The following STOM variants were observed in gnomAD, a reference collection of about 807,000 sequenced individuals.
STOM encodes stomatin.
Under a neutral mutation model 30.6 loss-of-function variants are expected in STOM, and 25 were observed. The ratio of observed to expected loss-of-function variants is 0.82; its 90% CI spans 0.60 to 1.14. The LOEUF (loss-of-function observed/expected upper bound fraction) is 1.14, where lower values mean the gene tolerates loss of function less well. STOM is among the 50% of genes most tolerant of loss of function. The probability of loss-of-function intolerance (pLI) is 0.00; values close to 1 mark genes in which losing one functional copy is unlikely to be tolerated. For synonymous variants in STOM, 118 were observed against 130.8 expected (o/e 0.90, Z 0.67); for missense variants, 292 against 365.2 (o/e 0.80, Z 1.63).
At chr9:121,346,674 G>A (rs1288446785) in intron 6 of STOM, among the ~76,000 whole-genome samples, 2 of 152,176 alleles carry the variant, frequency 1.3e-5, no homozygotes, top group African/African-American at 4.8e-5. Flanking sequence ...TAACAGTTTT[G>A]AAAGAAAGCA....
chr9:121,352,235 C>A (rs2064345901), intron 4 of STOM, among the ~76,000 whole-genome samples: 1 of 152,160 alleles, frequency 6.6e-6, no homozygotes, highest in Non-Finnish European at 1.5e-5. Context: ...ACTTATAATA[C>A]TTAACACAAT....
chr9:121,355,904 A>T (rs762099722), intron 2 of STOM, 149 bp downstream of exon 2: 7 of 569,384 alleles, frequency 1.2e-5, no homozygotes, highest in Non-Finnish European at 2.1e-5. Flanking sequence ...TGGGTAGAAG[A>T]ATAAATTTTC....
chr9:121,362,340 A>G (rs1261515450), intron 1 of STOM, among the ~76,000 whole-genome samples: 1 of 152,190 alleles, frequency 6.6e-6, no homozygotes, highest in Non-Finnish European at 1.5e-5. Flanking sequence ...TTCAATAATG[A>G]AAGAATGGTA....
In STOM at chr9:121,355,964, T is replaced by C. The variant is rs1048742565; in HGVS notation, c.165+89A>G. On this transcript the variant is annotated intron_variant, in intron 2 of 6. Transcript: ENST00000286713. The stretch of plus-strand genomic sequence containing the variant: ...TTATAAGAGAGAGAGACAGTCTGTT[T>C]CTTTCTCACATACACACAGGCACAC... 5.9e-6 allele frequency: 5 copies of C among 851,000 alleles called. No individual in the cohort carries two copies. In the African/African-American group the frequency reaches 8.6e-5, roughly 15 times the overall value. The allele number at this position is 851,000 out of a possible 1,614,324, so 52.7% of individuals were successfully genotyped here. A position where few individuals can be genotyped will look rare whatever the true frequency, so the allele number is the denominator to read the frequency against.
intron 4 of STOM, 105 bp from the exon 5 acceptor site, chr9:121,349,428 T>C: frequency 1.1e-6 from 1 of 896,876 alleles, no homozygotes; most frequent in Non-Finnish European, 1.7e-6. Flanking sequence ...GCTGATTTTC[T>C]TTAGTAAGGC....
intron 1 of STOM, among the ~76,000 whole-genome samples, chr9:121,357,027 G>A (rs2064398183): frequency 6.6e-6 from 1 of 152,104 alleles, no homozygotes; most frequent in Non-Finnish European, 1.5e-5. Context: ...AAAGGCATTA[G>A]AGCATTTTAG....
intron 1 of STOM, among the ~76,000 whole-genome samples, chr9:121,367,955 G>A (rs1219455420): frequency 6.6e-6 from 1 of 152,180 alleles, no homozygotes; most frequent in African/African-American, 2.4e-5. Flanking sequence ...TTTGCCATGT[G>A]AGCCGCAGTA....
intron 6 of STOM, among the ~76,000 whole-genome samples, chr9:121,345,824 G>C (rs189980925): frequency 1.6e-4 from 24 of 152,306 alleles, no homozygotes; most frequent in Admixed American, 1.4e-3. Context: ...GTCAGTACTA[G>C]AGGAGGCAAT....
At chr9:121,360,164 T>C (rs1196119250) in intron 1 of STOM, among the ~76,000 whole-genome samples, 1 of 152,230 alleles carries the variant, frequency 6.6e-6, no homozygotes, top group African/African-American at 2.4e-5. Context: ...CATAGTAGAA[T>C]AGATATAAAA....
At chr9:121,349,571 T>C (rs1417797375) in intron 4 of STOM, among the ~76,000 whole-genome samples, 2 of 152,104 alleles carry the variant, frequency 1.3e-5, no homozygotes, top group East Asian at 1.9e-4. Flanking sequence ...GGGATTAAGG[T>C]AGGAAAAAAA....
chr9:121,339,466 C>T lies in STOM; in HGVS notation c.*1736G>A. On this transcript the variant is annotated 3_prime_UTR_variant, in exon 7 of 7. Coordinates refer to ENST00000286713, the MANE Select transcript of STOM (RefSeq NM_004099.6). The stretch of plus-strand genomic sequence containing the variant: ...ATAAACTCAGCTAGGAGCCAGGATA[C>T]ATGGTAGTTCAAGGCTTCCTAAAAT... The T allele has an allele frequency of 9.0e-7, 1 of 1,107,672 alleles. No individual in the cohort carries two copies. The highest frequency in any genetic ancestry group is 4.3e-5 in the Admixed American group (1 of 23,250). The allele number at this position is 1,107,672 out of a possible 1,614,324, so 68.6% of individuals were successfully genotyped here.
intron 1 of STOM, among the ~76,000 whole-genome samples, chr9:121,358,590 C>A (rs933728556): frequency 6.6e-6 from 1 of 152,194 alleles, no homozygotes; most frequent in Non-Finnish European, 1.5e-5. Flanking sequence ...CCACCACATA[C>A]TTATACCCAG....
At position 121,348,152 on chromosome 9, in the gene STOM, G is replaced by A. The variant is rs2064306114; in HGVS notation, c.526-3C>T. On this transcript the variant is annotated splice_polypyrimidine_tract_variant and splice_region_variant and intron_variant, in intron 5 of 6. Coordinates refer to ENST00000286713, the MANE Select transcript of STOM (RefSeq NM_004099.6). ...TCAGTGGCATCATCCAGAGTAGACT[G>A]TTAGGAAGAGAGAAGGCAAGCTAAA... 1.2e-6 allele frequency: 2 copies of A among 1,614,004 alleles called. No homozygotes were observed. The highest frequency in any genetic ancestry group is 1.7e-5 in the Admixed American group (1 of 59,982).
At chr9:121,361,839 G>A (rs2064456175) in intron 1 of STOM, among the ~76,000 whole-genome samples, 1 of 152,170 alleles carries the variant, frequency 6.6e-6, no homozygotes, top group Non-Finnish European at 1.5e-5. Flanking sequence ...TTTTTCCACA[G>A]GAAAGGGTTG....
At chr9:121,344,901 G>C (rs1470396519) in intron 6 of STOM, among the ~76,000 whole-genome samples, 2 of 152,202 alleles carry the variant, frequency 1.3e-5, no homozygotes, top group Non-Finnish European at 2.9e-5. Context: ...AGGCCACTAA[G>C]AGCTGGTCTA....
intron 1 of STOM, among the ~76,000 whole-genome samples, chr9:121,365,080 T>C (rs2064489837): frequency 6.6e-6 from 1 of 152,018 alleles, no homozygotes; most frequent in South Asian, 2.1e-4. Context: ...TAACAGGTAC[T>C]CAAAAAACAT....
At chr9:121,354,459 G>A (rs2064366694) in intron 3 of STOM, 142 bp downstream of exon 3, 1 of 585,842 alleles carries the variant, frequency 1.7e-6, no homozygotes, top group Non-Finnish European at 2.9e-6. Flanking sequence ...GTTCAAGGCT[G>A]CAGTGAGACA....
intron 4 of STOM, among the ~76,000 whole-genome samples, chr9:121,350,113 T>C (rs1340832922): frequency 6.6e-6 from 1 of 152,208 alleles, no homozygotes; most frequent in Admixed American, 6.5e-5. Flanking sequence ...GTAACTTTAC[T>C]GAATAAAACA....
At chr9:121,347,905 C>T in intron 6 of STOM, 110 bp downstream of exon 6, 1 of 1,342,728 alleles carries the variant, frequency 7.4e-7, no homozygotes, top group Non-Finnish European at 9.9e-7. Flanking sequence ...TCTAACTTTA[C>T]CACTTCAAGA....
Sources: allele counts gnomAD v4.1 joint callset (sites outside exome capture counted in the v4.1 genomes callset), GRCh38; gene constraint gnomAD v4.1.1; transcripts MANE v1.5; gene names NCBI Gene and HGNC (gene_info 2026-07-23, HGNC 2026-07-21).